Variants in ATP10B observed in about 807,000 individuals in gnomAD.
ATP10B encodes the protein ATPase phospholipid transporting 10B (putative), also known as phospholipid-transporting ATPase VB.
In ATP10B, 122 loss-of-function variants were observed where a neutral mutation model predicts 141.2. The observed-to-expected ratio is 0.86, with a 90% confidence interval of 0.75 to 1.00. The LOEUF is 1.00. ATP10B is among the 50% of genes least tolerant of loss of function. ATP10B has a pLI of 0.00. For synonymous variants in ATP10B, 685 were observed against 692.0 expected, an observed-to-expected ratio of 0.99 and a Z score of 0.16; for missense variants, 1,876 against 1,825.3, an observed-to-expected ratio of 1.03 and a Z score of -0.51.
intron 13 of ATP10B, among the ~76,000 whole-genome samples, chr5:160,623,720 C>T (rs1319364945): frequency 6.6e-6 from 1 of 152,134 alleles, no homozygotes; most frequent in African/African-American, 2.4e-5. Context: ...CTATTTTACC[C>T]CAGGGATCTG....
At chr5:160,628,927 G>GTT (rs150496935) in intron 13 of ATP10B, among the ~76,000 whole-genome samples, 1 of 148,104 alleles carries the variant, frequency 6.8e-6, no homozygotes, top group African/African-American at 2.5e-5. Context: ...ATGGTTTCTT[G>GTT]TTTTTTTTTG....
chr5:160,911,606 G>A, the ATP10B span, among the ~76,000 whole-genome samples: 1 of 152,226 alleles, frequency 6.6e-6, no homozygotes, highest in African/African-American at 2.4e-5. Flanking sequence ...CCCCAAGCAT[G>A]TGTGAGTCTG....
intron 24 of ATP10B, among the ~76,000 whole-genome samples, chr5:160,580,939 T>A (rs1164614826): frequency 6.6e-6 from 1 of 152,234 alleles, no homozygotes. Context: ...TTCCAGTACA[T>A]TTGTGTAGAG....
At chr5:160,572,568 T>TGCTTTGAG (rs927656620) in intron 24 of ATP10B, among the ~76,000 whole-genome samples, 1 of 152,190 alleles carries the variant, frequency 6.6e-6, no homozygotes. Context: ...ATGGCTTCAG[T>TGCTTTGAG]GCTTTGAGAA....
the ATP10B span, among the ~76,000 whole-genome samples, chr5:160,898,040 T>C: frequency 9.9e-5 from 15 of 151,980 alleles, no homozygotes; most frequent in Non-Finnish European, 1.9e-4. Flanking sequence ...AAAAACTAAC[T>C]CAAGATGGAT....
intron 8 of ATP10B, among the ~76,000 whole-genome samples, chr5:160,646,453 C>A (rs1350892344): frequency 1.3e-5 from 2 of 151,986 alleles, no homozygotes; most frequent in Non-Finnish European, 2.9e-5. Flanking sequence ...CCTGGTTTCC[C>A]ATAGGGCCCA....
At chr5:160,834,335 T>C (rs1775287357) in intron 1 of ATP10B, among the ~76,000 whole-genome samples, 2 of 151,786 alleles carry the variant, frequency 1.3e-5, no homozygotes, top group South Asian at 4.2e-4. Context: ...CAAAATAAAA[T>C]AATAAAATAA....
chr5:160,602,744 G>T (rs768304422), intron 20 of ATP10B, 42 bp from the exon 21 acceptor site: 1 of 1,611,644 alleles, frequency 6.2e-7, no homozygotes, highest in Non-Finnish European at 8.5e-7. Context: ...ATCCATGGCT[G>T]CCAGTGCCCC....
chr5:160,709,187 TC>T (rs1166347336), intron 3 of ATP10B, among the ~76,000 whole-genome samples: 2 of 152,114 alleles, frequency 1.3e-5, no homozygotes, highest in Non-Finnish European at 2.9e-5. Context: ...CAAGAGCATA[TC>T]CTTATGGTCT....
At chr5:160,905,868 A>G in the ATP10B span, among the ~76,000 whole-genome samples, 1 of 152,020 alleles carries the variant, frequency 6.6e-6, no homozygotes. Flanking sequence ...TTTCAAACCT[A>G]CCTGCTTTCA....
At chr5:160,827,574 T>A (rs913809417) in intron 1 of ATP10B, among the ~76,000 whole-genome samples, 1 of 152,198 alleles carries the variant, frequency 6.6e-6, no homozygotes, top group East Asian at 1.9e-4. Context: ...TTACAAATAT[T>A]TTATCCCATT....
chr5:160,697,162 T>C (rs529996641), intron 3 of ATP10B, among the ~76,000 whole-genome samples: 23 of 152,358 alleles, frequency 1.5e-4, no homozygotes, highest in African/African-American at 5.3e-4. Context: ...TATTATTAAA[T>C]TGATGACATT....
chr5:160,820,648 T>C (rs1424027059), intron 1 of ATP10B, among the ~76,000 whole-genome samples: 2 of 151,974 alleles, frequency 1.3e-5, no homozygotes, highest in Non-Finnish European at 2.9e-5. Context: ...CTCAACAAAA[T>C]ATTAGCAAAC....
intron 3 of ATP10B, among the ~76,000 whole-genome samples, chr5:160,691,276 A>T (rs1379124936): frequency 6.6e-6 from 1 of 152,200 alleles, no homozygotes; most frequent in African/African-American, 2.4e-5. Context: ...TGATGGGTGC[A>T]GAAAACTACC....
intron 1 of ATP10B, among the ~76,000 whole-genome samples, chr5:160,794,590 T>C (rs1167354686): frequency 1.3e-5 from 2 of 152,206 alleles, no homozygotes; most frequent in African/African-American, 4.8e-5. Context: ...TTTTGGCACA[T>C]GGAGGAAGCC....
At chr5:160,858,023 A>G in the ATP10B span, among the ~76,000 whole-genome samples, 2 of 151,778 alleles carry the variant, frequency 1.3e-5, no homozygotes, top group Middle Eastern at 3.2e-3. Context: ...AATCTGTTTT[A>G]TTTGATGTAA....
At chr5:160,732,833 G>C (rs1405603602) in intron 2 of ATP10B, among the ~76,000 whole-genome samples, 2 of 152,134 alleles carry the variant, frequency 1.3e-5, no homozygotes, top group Admixed American at 1.3e-4. Context: ...TTTCTATGAA[G>C]AATGTCATTG....
intron 6 of ATP10B, among the ~76,000 whole-genome samples, chr5:160,672,183 G>A (rs1762753187): frequency 6.6e-6 from 1 of 151,712 alleles, no homozygotes; most frequent in African/African-American, 2.4e-5. Flanking sequence ...CACCATATTG[G>A]CCAGGCTGGT....
At chr5:160,813,026 A>T (rs6868172) in intron 1 of ATP10B, among the ~76,000 whole-genome samples, 20,350 of 152,258 alleles carry the variant, frequency 0.13, 1,456 homozygotes, top group African/African-American at 0.17. Context: ...GCCAAATAGG[A>T]ACAGCTCCAG....
Sources: gnomAD v4.1 joint callset for allele counts (sites outside exome capture counted in the v4.1 genomes callset) on GRCh38, gnomAD v4.1.1 for gene constraint, MANE v1.5 for transcripts, NCBI Gene and HGNC (gene_info 2026-07-23, HGNC 2026-07-21) for gene names.